The following DLGAP1 variants were observed in gnomAD, a reference collection of about 807,000 sequenced individuals.
DLGAP1 encodes the protein DLG associated protein 1.
In DLGAP1, 11 loss-of-function variants were observed where a neutral mutation model predicts 90.8. The observed-to-expected ratio is 0.12, with a 90% CI of 0.08 to 0.20. DLGAP1 has a LOEUF of 0.20. Ranked by LOEUF, DLGAP1 falls within the 10% of genes least tolerant of loss-of-function variation. The pLI is 1.00. For synonymous variants in DLGAP1, 558 were observed against 540.7 expected (o/e 1.03, Z -0.44); for missense variants, 1,050 against 1,333.8 (o/e 0.79, Z 3.31).
chr18:4,015,016 G>A (rs1190732261), intron 2 of DLGAP1, among the ~76,000 whole-genome samples: 1 of 152,146 alleles, frequency 6.6e-6, no homozygotes, highest in Non-Finnish European at 1.5e-5. Context: ...GCGAGAACAT[G>A]CCTTTGAACT....
chr18:4,232,341 C>T (rs78457546), intron 1 of DLGAP1, among the ~76,000 whole-genome samples: 1 of 152,004 alleles, frequency 6.6e-6, no homozygotes, highest in East Asian at 1.9e-4. Context: ...AGGTATTCTT[C>T]TTTACATAGG....
chr18:4,170,985 G>T (rs1161306648), intron 1 of DLGAP1, among the ~76,000 whole-genome samples: 1 of 151,898 alleles, frequency 6.6e-6, no homozygotes, highest in Admixed American at 6.6e-5. Context: ...GAATTTTAAG[G>T]CTTAAATTTG....
At chr18:4,228,441 A>T (rs2078236565) in intron 1 of DLGAP1, among the ~76,000 whole-genome samples, 2 of 152,154 alleles carry the variant, frequency 1.3e-5, no homozygotes, top group Middle Eastern at 3.4e-3. Flanking sequence ...AGAAATCCTC[A>T]ACAAAATACT....
intron 1 of DLGAP1, among the ~76,000 whole-genome samples, chr18:4,155,922 G>A (rs1386657327): frequency 1.3e-5 from 2 of 152,154 alleles, no homozygotes; most frequent in African/African-American, 2.4e-5. Flanking sequence ...TGGAAAGCTT[G>A]TGAACCACCT....
At chr18:3,712,185 A>C (rs2061616157) in intron 7 of DLGAP1, among the ~76,000 whole-genome samples, 1 of 152,174 alleles carries the variant, frequency 6.6e-6, no homozygotes, top group African/African-American at 2.4e-5. Flanking sequence ...TCTCCTTGAG[A>C]AATGCAGCCC....
chr18:3,825,294 A>G (rs1426740692), intron 4 of DLGAP1, among the ~76,000 whole-genome samples: 1 of 152,244 alleles, frequency 6.6e-6, no homozygotes, highest in East Asian at 1.9e-4. Context: ...AGAAGTATTC[A>G]TTCACTTGTT....
At chr18:3,970,333 C>T (rs1451124914) in intron 3 of DLGAP1, among the ~76,000 whole-genome samples, 3 of 152,014 alleles carry the variant, frequency 2.0e-5, no homozygotes, top group Non-Finnish European at 4.4e-5. Context: ...CAACTAGAAA[C>T]AAAGGAAAAG....
intron 10 of DLGAP1, among the ~76,000 whole-genome samples, chr18:3,514,755 A>T (rs566507825): frequency 6.6e-5 from 10 of 152,332 alleles, no homozygotes; most frequent in African/African-American, 2.4e-4. Flanking sequence ...TATTGCTAAA[A>T]AATGCTAATG....
intron 11 of DLGAP1, among the ~76,000 whole-genome samples, chr18:3,503,251 T>C (rs2050041130): frequency 1.3e-5 from 2 of 152,232 alleles, no homozygotes; most frequent in African/African-American, 4.8e-5. Context: ...ATTTGAAAAT[T>C]CATTCATTTT....
intron 4 of DLGAP1, among the ~76,000 whole-genome samples, chr18:3,871,388 T>A (rs959608691): frequency 1.3e-5 from 2 of 150,922 alleles, no homozygotes; most frequent in African/African-American, 5.0e-5. Flanking sequence ...AATTGTCATT[T>A]TAAGGGGAAA....
At chr18:3,592,950 G>T in intron 7 of DLGAP1, among the ~76,000 whole-genome samples, 1 of 150,064 alleles carries the variant, frequency 6.7e-6, no homozygotes. Context: ...AAATAGACAT[G>T]ATCTCACATA....
chr18:4,189,731 T>C (rs2077361071), intron 1 of DLGAP1, among the ~76,000 whole-genome samples: 1 of 152,092 alleles, frequency 6.6e-6, no homozygotes, highest in African/African-American at 2.4e-5. Context: ...ACTACAATGA[T>C]TAAGACAGTA....
At chr18:4,437,919 T>C (rs2083442545) in intron 1 of DLGAP1, among the ~76,000 whole-genome samples, 1 of 152,116 alleles carries the variant, frequency 6.6e-6, no homozygotes, top group Non-Finnish European at 1.5e-5. Flanking sequence ...TAAAAGATTT[T>C]ATGTGAAACT....
intron 1 of DLGAP1, among the ~76,000 whole-genome samples, chr18:4,219,527 G>C (rs200907013): frequency 1.3e-5 from 2 of 151,568 alleles, no homozygotes; most frequent in African/African-American, 4.8e-5. Context: ...GTGCTTTTGG[G>C]GTCATATCTA....
chr18:3,725,247 A>G (rs2062125764), intron 7 of DLGAP1, among the ~76,000 whole-genome samples: 1 of 152,210 alleles, frequency 6.6e-6, no homozygotes, highest in Non-Finnish European at 1.5e-5. Flanking sequence ...GTTTCTGCCT[A>G]TTTAGACTAT....
chr18:3,833,878 T>C (rs532456117), intron 4 of DLGAP1, among the ~76,000 whole-genome samples: 15 of 152,358 alleles, frequency 9.8e-5, no homozygotes, highest in African/African-American at 3.1e-4. Context: ...AAAATTCTAT[T>C]GTTGCATTAA....
At chr18:4,133,234 A>T (rs1003413262) in intron 2 of DLGAP1, among the ~76,000 whole-genome samples, 3 of 152,174 alleles carry the variant, frequency 2.0e-5, no homozygotes, top group Non-Finnish European at 4.4e-5. Context: ...TGCCATGAGG[A>T]GAGCACAGCA....
At chr18:4,293,770 T>C (rs909080165) in intron 1 of DLGAP1, 2 of 152,186 alleles carry the variant, frequency 1.3e-5, no homozygotes, top group African/African-American at 4.8e-5. Flanking sequence ...TGTAGCCCAT[T>C]TCCCATCTAC....
At chr18:3,876,312 C>T (rs1370299661) in intron 4 of DLGAP1, among the ~76,000 whole-genome samples, 1 of 151,844 alleles carries the variant, frequency 6.6e-6, no homozygotes, top group Middle Eastern at 3.4e-3. Context: ...TCTCTTCAGC[C>T]TCAGCACAGG....
Sources: allele counts gnomAD v4.1 joint callset (sites outside exome capture counted in the v4.1 genomes callset), GRCh38; gene constraint gnomAD v4.1.1; transcripts MANE v1.5; gene names NCBI Gene and HGNC (gene_info 2026-07-23, HGNC 2026-07-21).